The following FOXJ3 variants were observed in gnomAD, a reference collection of about 807,000 sequenced individuals.
FOXJ3 encodes the protein forkhead box J3, also known as forkhead box protein J3.
In FOXJ3, 22 loss-of-function variants were observed where a neutral mutation model predicts 76.1. That is an observed-to-expected ratio of 0.29 (90% confidence interval 0.21 to 0.41). The LOEUF is 0.41. Among genes scored for constraint, FOXJ3 ranks in the 10% least tolerant of loss-of-function variants. The probability of loss-of-function intolerance (pLI) is 1.00; values close to 1 mark genes in which losing one functional copy is unlikely to be tolerated. For missense variants in FOXJ3, 613 were observed against 762.1 expected (o/e 0.80, Z 2.30); for synonymous variants, 269 against 261.2 (o/e 1.03, Z -0.29).
intron 8 of FOXJ3, 21 bp from the exon 9 acceptor site, chr1:42,191,740 T>C (rs768196409): frequency 6.3e-7 from 1 of 1,599,274 alleles, no homozygotes; most frequent in Non-Finnish European, 8.6e-7. Flanking sequence ...AGCAAGATCA[T>C]TTATGGTCAG....
At position 42,194,892 on chromosome 1, in the gene FOXJ3, T is replaced by G; in HGVS notation, c.932A>C (p.Gln311Pro). The change falls in exon 8 of 13, where the codon CAA becomes CCA. Residue 311 changes from glutamine (Q) to proline (P), a missense_variant and splice_region_variant. Gln to Pro is a moderately conservative substitution (Grantham distance 76, BLOSUM62 -1). Around this residue, in one of 3 missense-constraint regions of FOXJ3, gnomAD observed 526 missense variants for 601.4 expected, o/e 0.87. Coordinates refer to ENST00000361346, the MANE Select transcript of FOXJ3 (RefSeq NM_014947.5). ...KSVFEQSLSQ[Q>P]GLMNIPSESS... ...AAAAAGATTTTAAGAAAACTCACCT[T>G]GTTGACTAAGTGACTGCTCAAAAAC... 2 of 1,569,460 alleles carry G rather than the reference T, an allele frequency of 1.3e-6. No individual in the cohort carries two copies. Among genetic ancestry groups the G allele is most frequent in the Non-Finnish European group, 1.7e-6 (2 of 1,163,450 alleles).
chr1:42,207,136 T>C (rs993510936), intron 5 of FOXJ3, among the ~76,000 whole-genome samples: 2 of 152,152 alleles, frequency 1.3e-5, no homozygotes, highest in Non-Finnish European at 2.9e-5. Flanking sequence ...CCAGTTCTTA[T>C]TTCTTCTAAG....
At chr1:42,222,025 G>A (rs1201449939) in intron 5 of FOXJ3, among the ~76,000 whole-genome samples, 1,930 of 3,218 alleles carry the variant, frequency 0.6, 830 homozygotes, top group East Asian at 0.85. Context: ...GGAGAAGGGG[G>A]AGGGGGAGGA....
chr1:42,189,449 T>TGAA (rs1557621297), intron 9 of FOXJ3, 45 bp from the exon 10 acceptor site: 4 of 1,374,216 alleles, frequency 2.9e-6, no homozygotes, highest in South Asian at 2.4e-5. Flanking sequence ...GGTGAAAGGG[T>TGAA]GAAGTGTGGT....
rs998305799 is a variant in FOXJ3 at position 42,284,310 on chromosome 1, T to C, written c.45-5638A>G. On this transcript the variant is annotated intron_variant, in intron 2 of 12. Transcript: ENST00000361346. The stretch of plus-strand genomic sequence containing the variant: ...AAGAATTTGGTCGAACTGTTATCTG[T>C]GGAATTTGAAAAGCAAGCCATATGC... Among the ~76,000 whole-genome samples the C allele has an allele frequency of 5.3e-5, 8 of 152,288 alleles. No homozygotes were observed. The East Asian group carries it at 1.5e-3, about 29-fold the overall frequency.
intron 3 of FOXJ3, among the ~76,000 whole-genome samples, chr1:42,269,698 C>T (rs1292434583): frequency 6.6e-6 from 1 of 152,168 alleles, no homozygotes; most frequent in African/African-American, 2.4e-5. Flanking sequence ...AGTTTAAAGA[C>T]ATTATTATTC....
At chr1:42,214,614 A>C (rs1038171317) in intron 5 of FOXJ3, among the ~76,000 whole-genome samples, 1 of 152,226 alleles carries the variant, frequency 6.6e-6, no homozygotes, top group African/African-American at 2.4e-5. Flanking sequence ...CCAAAGGGTA[A>C]ATACAATAGG....
chr1:42,250,458 C>T (rs1268619468), intron 4 of FOXJ3, among the ~76,000 whole-genome samples: 1 of 152,136 alleles, frequency 6.6e-6, no homozygotes, highest in Non-Finnish European at 1.5e-5. Flanking sequence ...CACATAAGTC[C>T]TAATTCTCTA....
At chr1:42,288,031 A>G (rs1043299021) in intron 2 of FOXJ3, among the ~76,000 whole-genome samples, 1 of 152,214 alleles carries the variant, frequency 6.6e-6, no homozygotes, top group Non-Finnish European at 1.5e-5. Context: ...ATGGTCAAAG[A>G]TATTTTATGC....
At chr1:42,271,837 T>C (rs1261338369) in intron 3 of FOXJ3, among the ~76,000 whole-genome samples, 1 of 151,988 alleles carries the variant, frequency 6.6e-6, no homozygotes, top group African/African-American at 2.4e-5. Context: ...ATTTTTTACT[T>C]TGTGGAGACA....
chr1:42,285,978 G>T (rs573260033), intron 2 of FOXJ3, among the ~76,000 whole-genome samples: 82 of 152,300 alleles, frequency 5.4e-4, no homozygotes, highest in African/African-American at 1.8e-3. Context: ...TGTATCCAGA[G>T]ATCTTATATT....
intron 5 of FOXJ3, among the ~76,000 whole-genome samples, chr1:42,224,904 T>C (rs1359175727): frequency 6.6e-6 from 1 of 151,806 alleles, no homozygotes; most frequent in Non-Finnish European, 1.5e-5. Flanking sequence ...CTCGGCAACA[T>C]GGCAAGACCC....
intron 1 of FOXJ3, among the ~76,000 whole-genome samples, chr1:42,327,963 A>G (rs1348376509): frequency 6.6e-6 from 1 of 152,168 alleles, no homozygotes; most frequent in East Asian, 1.9e-4. Context: ...TGAAGACAAT[A>G]AAAATAGATA....
At chr1:42,200,628 G>A (rs895108198) in intron 6 of FOXJ3, among the ~76,000 whole-genome samples, 9 of 151,932 alleles carry the variant, frequency 5.9e-5, no homozygotes, top group South Asian at 2.1e-4. Flanking sequence ...ACAGATGCGC[G>A]CCACCATACC....
intron 1 of FOXJ3, among the ~76,000 whole-genome samples, chr1:42,324,047 G>GTA (rs1175031790): frequency 1.7e-4 from 21 of 124,468 alleles, no homozygotes; most frequent in South Asian, 2.6e-4. Flanking sequence ...ACTATATATA[G>GTA]TATATACACT....
At chr1:42,232,560 A>T in intron 4 of FOXJ3, among the ~76,000 whole-genome samples, 1 of 149,476 alleles carries the variant, frequency 6.7e-6, no homozygotes, top group South Asian at 2.1e-4. Context: ...GATGATGAGC[A>T]TTTTTTCATG....
Position 42,191,573 on chromosome 1 carries a change from C to T in FOXJ3, c.1081G>A (p.Gly361Ser), listed in dbSNP as rs1646547731. Residue 361 changes from glycine (G) to serine (S), a missense_variant, in exon 9 of 13, where the codon GGC becomes AGC. Gly to Ser is a moderately conservative substitution (Grantham distance 56). Transcript: ENST00000361346. ...NSHGSGLNTT[G>S]SNSVAQVSLS... ...GAGACCTGTGCAACCGAATTACTGC[C>T]TGTGGTGTTGAGGCCACTGCCATGA... The T allele has an allele frequency of 1.9e-6, 3 of 1,614,012 alleles. No homozygotes were observed. The highest frequency in any genetic ancestry group is 2.5e-6 in the Non-Finnish European group (3 of 1,180,032).
chr1:42,280,142 TA>T, intron 2 of FOXJ3: 1 of 208,344 alleles, frequency 4.8e-6, no homozygotes, highest in Non-Finnish European at 8.4e-6. Context: ...TTAAATGTAT[TA>T]AAACATGCAC....
chr1:42,267,922 A>G (rs1237647299), intron 3 of FOXJ3, among the ~76,000 whole-genome samples: 1 of 152,124 alleles, frequency 6.6e-6, no homozygotes, highest in Non-Finnish European at 1.5e-5. Context: ...AGAAATTTCC[A>G]AACAGAGACT....
Sources: allele counts gnomAD v4.1 joint callset (sites outside exome capture counted in the v4.1 genomes callset), GRCh38; gene constraint gnomAD v4.1.1; regional missense constraint gnomAD v4.1.1; transcripts MANE v1.5; gene names NCBI Gene and HGNC (gene_info 2026-07-23, HGNC 2026-07-21).